The following MGST2 variants were observed in gnomAD, a reference collection of about 807,000 sequenced individuals.
The protein encoded by MGST2 is glutathione peroxidase MGST2.
A neutral mutation model predicts 16.6 loss-of-function variants in MGST2; 9 were observed. That is an observed-to-expected ratio of 0.54 (90% CI 0.33 to 0.95). The LOEUF (loss-of-function observed/expected upper bound fraction) is 0.95. Ranked by LOEUF, MGST2 falls within the 40% of genes least tolerant of loss-of-function variation. MGST2 has a pLI of 0.03. For synonymous variants in MGST2, 79 were observed against 68.0 expected, an observed-to-expected ratio of 1.16 and a Z score of -0.79; for missense variants, 159 against 175.1, an observed-to-expected ratio of 0.91 and a Z score of 0.52.
At chr4:139,684,421 G>C (rs1169580345) in intron 2 of MGST2, among the ~76,000 whole-genome samples, 1 of 152,194 alleles carries the variant, frequency 6.6e-6, no homozygotes, top group East Asian at 1.9e-4. Flanking sequence ...GATGGCATCA[G>C]GAGGTCAAGA....
At chr4:139,677,662 C>T (rs745788327) in intron 1 of MGST2, among the ~76,000 whole-genome samples, 4 of 152,062 alleles carry the variant, frequency 2.6e-5, no homozygotes, top group South Asian at 2.1e-4. Flanking sequence ...CCACCACGTC[C>T]AGCAAATTTT....
rs923126234 is a variant in MGST2, at chr4:139,735,402, G to A, written c.*49-4810G>A. On this transcript the variant is annotated intron_variant, in intron 5 of 5. Coordinates refer to the MGST2 transcript ENST00000616265. This position sits in a 1 kb window ranked among gnomAD's most constrained non-coding sequence, Gnocchi z 5.8. ...GGAGGAAGAATTCAAGTGGGGGAGG[G>A]CGCGGGAAGGGGACGTGGAGGGAAA... is the stretch of plus-strand genomic sequence containing the variant. Among the ~76,000 whole-genome samples, 1 of 151,910 alleles carries A rather than the reference G, an allele frequency of 6.6e-6. No homozygotes were observed. Among genetic ancestry groups the A allele is most frequent in the Non-Finnish European group, 1.5e-5 (1 of 67,984 alleles).
At chr4:139,744,088 C>T (rs951422169), downstream of MGST2, among the ~76,000 whole-genome samples, 3 of 152,180 alleles carry the variant, frequency 2.0e-5, no homozygotes, top group Non-Finnish European at 4.4e-5. Context: ...TAGTCAGATG[C>T]ACAAACACCT....
chr4:139,725,763 TGACC>T, intron 5 of MGST2: 1 of 1,613,966 alleles, frequency 6.2e-7, no homozygotes, highest in Non-Finnish European at 8.5e-7. Flanking sequence ...TGAAACTGAT[TGACC>T]TGCTGCACTG....
At chr4:139,738,598 A>C (rs1729040522) in intron 5 of MGST2, among the ~76,000 whole-genome samples, 1 of 152,192 alleles carries the variant, frequency 6.6e-6, no homozygotes, top group African/African-American at 2.4e-5. Context: ...TAAATGCTTA[A>C]TTGATAGGGC....
chr4:139,674,801 T>C (rs1237191153), intron 1 of MGST2, among the ~76,000 whole-genome samples: 1 of 152,118 alleles, frequency 6.6e-6, no homozygotes, highest in East Asian at 1.9e-4. Flanking sequence ...AAAATCTTTA[T>C]AGCTATCTTA....
At chr4:139,704,994 A>G (rs1727464784), downstream of MGST2, among the ~76,000 whole-genome samples, 1 of 152,226 alleles carries the variant, frequency 6.6e-6, no homozygotes. Context: ...TTTCCAGGCC[A>G]AAAGAGCTTG....
Position 139,719,657 on chromosome 4 carries a change from C to T in MGST2, c.*48+15461C>T, listed in dbSNP as rs764526660. The T allele has an allele frequency of 1.2e-5, 19 of 1,612,882 alleles. No individual in the cohort carries two copies. The South Asian group carries it at 1.4e-4, about 12-fold the overall frequency. On this transcript the variant is annotated intron_variant, in intron 5 of 5. Coordinates refer to the MGST2 transcript ENST00000616265. ...CCCCGGGAGCGATGGCATCATCTGCCGACCCATGGCAGCTGGGTTGAGGGT... is the reference window on the plus strand; with the variant it reads ...CCCCGGGAGCGATGGCATCATCTGCTGACCCATGGCAGCTGGGTTGAGGGT...
chr4:139,730,552 C>T, intron 5 of MGST2: 2 of 1,584,428 alleles, frequency 1.3e-6, no homozygotes, highest in Non-Finnish European at 8.6e-7. Flanking sequence ...TTGGGGCTGG[C>T]TGCCCAGGAA....
rs547031020 is a variant in MGST2 at position 139,712,896 on chromosome 4, C to T, written c.*48+8700C>T. ...GTCCTGTTACAAAAGAAAACAGATT[C>T]GTATTGCATTTATGCAAATAAGTAT... is the stretch of plus-strand genomic sequence containing the variant. On this transcript the variant is annotated intron_variant, in intron 5 of 5. Coordinates refer to the MGST2 transcript ENST00000616265. Among the ~76,000 whole-genome samples the T allele has an allele frequency of 5.3e-5, 8 of 152,314 alleles. No individual in the cohort carries two copies. The South Asian group carries it at 1.0e-3, about 20-fold the overall frequency.
chr4:139,681,103 A>ACCTG (rs1391284051), intron 2 of MGST2, among the ~76,000 whole-genome samples: 1 of 152,000 alleles, frequency 6.6e-6, no homozygotes, highest in Non-Finnish European at 1.5e-5. Context: ...TGCAGCCTTG[A>ACCTG]CCTGCCAGCC....
chr4:139,718,966 C>T (rs1259870669), intron 5 of MGST2: 1 of 220,550 alleles, frequency 4.5e-6, no homozygotes, highest in African/African-American at 2.3e-5. Context: ...GGATACCTCT[C>T]TTGGGTAATA....
intron 5 of MGST2, among the ~76,000 whole-genome samples, chr4:139,725,405 G>A (rs1167775127): frequency 6.6e-6 from 1 of 152,132 alleles, no homozygotes; most frequent in Non-Finnish European, 1.5e-5. Context: ...TTGATATGCA[G>A]CCAACAGGCA....
Position 139,676,745 on chromosome 4 carries a change from T to C in MGST2, c.59-1798T>C, listed in dbSNP as rs570946580. ...AAATTAGCCATCACAGAGTTGTTCC[T>C]GTTACAAACAAAGCTGCTGTGAATA... is the stretch of plus-strand genomic sequence containing the variant. On this transcript the variant is annotated intron_variant, in intron 1 of 4. Transcript: ENST00000265498. Among the ~76,000 whole-genome samples, 12 of 152,384 alleles carry C rather than the reference T, an allele frequency of 7.9e-5. No individual in the cohort carries two copies. In the South Asian group the frequency reaches 2.5e-3, roughly 32 times the overall value.
chr4:139,736,565 G>A (rs1413174372), intron 5 of MGST2, among the ~76,000 whole-genome samples: 1 of 152,180 alleles, frequency 6.6e-6, no homozygotes, highest in East Asian at 1.9e-4. Context: ...AGTTAATGAA[G>A]TGTCATAGAA....
At chr4:139,718,493 C>T (rs1010429445) in intron 5 of MGST2, 4 of 152,218 alleles carry the variant, frequency 2.6e-5, no homozygotes, top group South Asian at 2.1e-4. Flanking sequence ...GCCCTGCGGC[C>T]GCCAGAAGTA....
chr4:139,712,671 T>C (rs560925126), intron 5 of MGST2, among the ~76,000 whole-genome samples: 6 of 152,310 alleles, frequency 3.9e-5, no homozygotes, highest in South Asian at 4.1e-4. Context: ...CCAAGATAAC[T>C]TGGGGCTCCT....
intron 5 of MGST2, among the ~76,000 whole-genome samples, chr4:139,739,828 A>G (rs1729098433): frequency 6.6e-6 from 1 of 151,520 alleles, no homozygotes; most frequent in Admixed American, 6.6e-5. Context: ...CAAATTTTAT[A>G]TTATGAATAT....
intron 1 of MGST2, among the ~76,000 whole-genome samples, chr4:139,677,126 T>C (rs750859997): frequency 1.3e-5 from 2 of 152,254 alleles, no homozygotes; most frequent in Non-Finnish European, 2.9e-5. Flanking sequence ...ACCTGTTTTT[T>C]TGGCCATGTT....
Sources: gnomAD v4.1 joint callset for allele counts (sites outside exome capture counted in the v4.1 genomes callset) on GRCh38, gnomAD v4.1.1 for gene constraint, Gnocchi (gnomAD v3.1) non-coding constraint, MANE v1.5 for transcripts, NCBI Gene and HGNC (gene_info 2026-07-23, HGNC 2026-07-21) for gene names.